TRPM3: variants seen among roughly 807,000 people sequenced by gnomAD.
TRPM3 encodes transient receptor potential cation channel subfamily M member 3, also known as long transient receptor potential channel 3.
TRPM3 carries 77 observed loss-of-function variants against 181.2 expected under a neutral mutation model. The observed-to-expected ratio is 0.42, with a 90% confidence interval of 0.35 to 0.51. The LOEUF is 0.51. Ranked by LOEUF, TRPM3 falls within the 20% of genes least tolerant of loss-of-function variation. The pLI, the probability that TRPM3 is intolerant of heterozygous loss-of-function variation, is 0.01. For synonymous variants in TRPM3, 745 were observed against 796.4 expected (o/e 0.94, Z 1.09); for missense variants, 1,759 against 2,196.7 (o/e 0.80, Z 3.98).
chr9:70,795,328 T>G (rs758951253), intron 6 of TRPM3, among the ~76,000 whole-genome samples: 1 of 152,216 alleles, frequency 6.6e-6, no homozygotes, highest in East Asian at 1.9e-4. Context: ...ACTTAAGAGT[T>G]TTATGCTTAA....
At chr9:70,691,621 C>A (rs10115619) in intron 8 of TRPM3, among the ~76,000 whole-genome samples, 55,054 of 151,934 alleles carry the variant, frequency 0.36, 10,221 homozygotes, top group East Asian at 0.46. Context: ...TTCCTCCCAC[C>A]GTCATTTAAG....
At chr9:71,089,263 T>C (rs1001963663) in intron 1 of TRPM3, among the ~76,000 whole-genome samples, 1 of 150,292 alleles carries the variant, frequency 6.7e-6, no homozygotes, top group Non-Finnish European at 1.5e-5. Context: ...ATATAGTCTC[T>C]ATATCACTAT....
intron 22 of TRPM3, among the ~76,000 whole-genome samples, chr9:70,553,623 C>A (rs1292745223): frequency 6.6e-6 from 1 of 152,184 alleles, no homozygotes; most frequent in East Asian, 1.9e-4. Flanking sequence ...ACTTGGTGCT[C>A]TTCTGAAGCC....
intron 1 of TRPM3, among the ~76,000 whole-genome samples, chr9:71,080,919 T>C (rs1283958274): frequency 6.6e-6 from 1 of 152,118 alleles, no homozygotes; most frequent in African/African-American, 2.4e-5. Flanking sequence ...CTCCTTCCAC[T>C]GGGATGGCTA....
intron 8 of TRPM3, among the ~76,000 whole-genome samples, chr9:70,688,361 C>T (rs1046361044): frequency 6.6e-6 from 1 of 152,074 alleles, no homozygotes; most frequent in Non-Finnish European, 1.5e-5. Flanking sequence ...TGGATAAGTT[C>T]TATAGTGGTG....
intron 8 of TRPM3, among the ~76,000 whole-genome samples, chr9:70,738,772 T>G (rs1442926615): frequency 1.3e-5 from 2 of 151,986 alleles, no homozygotes; most frequent in African/African-American, 4.8e-5. Flanking sequence ...TCAAATAAGC[T>G]CAATTAGAAA....
At chr9:71,065,070 G>A (rs775367343) in intron 1 of TRPM3, among the ~76,000 whole-genome samples, 10 of 152,092 alleles carry the variant, frequency 6.6e-5, no homozygotes, top group Non-Finnish European at 1.3e-4. Flanking sequence ...TGTAGCTATG[G>A]GATTGGGCTT....
chr9:70,792,698 T>C (rs1255102135), intron 6 of TRPM3, among the ~76,000 whole-genome samples: 1 of 150,624 alleles, frequency 6.6e-6, no homozygotes, highest in African/African-American at 2.5e-5. Flanking sequence ...CTGATATAGC[T>C]GGGATTATTG....
intron 1 of TRPM3, among the ~76,000 whole-genome samples, chr9:70,871,451 A>C (rs1236359014): frequency 6.6e-6 from 1 of 151,996 alleles, no homozygotes; most frequent in African/African-American, 2.4e-5. Context: ...ATAAAGATAA[A>C]TAACTATTCA....
At chr9:70,677,012 T>A (rs2064171224) in intron 9 of TRPM3, among the ~76,000 whole-genome samples, 1 of 142,876 alleles carries the variant, frequency 7.0e-6, no homozygotes, top group Non-Finnish European at 1.5e-5. Flanking sequence ...AATACCCTTA[T>A]TCCAGAAGAG....
intron 8 of TRPM3, 101 bp from the exon 9 acceptor site, chr9:70,681,679 A>T: frequency 3.0e-6 from 3 of 990,574 alleles, no homozygotes; most frequent in Non-Finnish European, 4.8e-6. Context: ...CTATATCTAC[A>T]AAGTAGATTC....
At position 71,280,095 on chromosome 9, in the gene TRPM3, A is replaced by AAG. The variant is rs1554861694; in HGVS notation, c.183+166557_183+166558insCT. Among the ~76,000 whole-genome samples the AAG allele has an allele frequency of 8.5e-3, 1,242 of 145,424 alleles. 25 individuals are homozygous for AAG. Among genetic ancestry groups the AAG allele is most frequent in the African/African-American group, 0.029 (1,172 of 39,882 alleles). ...CTCCATCTCAAAAAAAAAAAAAAAA[A>AAG]GGGGATGTATAAGGTTCTCCCCTTT... On this transcript the variant is annotated intron_variant, in intron 1 of 24. Transcript: ENST00000357533.
At chr9:71,130,764 G>A (rs985531684) in intron 1 of TRPM3, among the ~76,000 whole-genome samples, 6 of 152,016 alleles carry the variant, frequency 3.9e-5, no homozygotes, top group Non-Finnish European at 8.8e-5. Context: ...GCTGTCTCTG[G>A]GAAGCCTTCC....
intron 1 of TRPM3, among the ~76,000 whole-genome samples, chr9:71,328,780 CTGA>C (rs2089905867): frequency 6.6e-6 from 1 of 152,188 alleles, no homozygotes; most frequent in African/African-American, 2.4e-5. Flanking sequence ...TTCAACTGCT[CTGA>C]TATTTTTATA....
intron 22 of TRPM3, among the ~76,000 whole-genome samples, chr9:70,557,542 C>T (rs1046512649): frequency 1.6e-4 from 25 of 152,212 alleles, no homozygotes; most frequent in Non-Finnish European, 3.4e-4. Flanking sequence ...TGAAGATGAA[C>T]TGGTGCCTTA....
At position 70,581,864 on chromosome 9, in the gene TRPM3, C is replaced by G. The variant is rs181930028; in HGVS notation, c.3223+9167G>C. On this transcript the variant is annotated intron_variant, in intron 22 of 25. Transcript: ENST00000677713. ...TCTGCTGCCCTCAACAATCAAGGGC[C>G]AGCAGGTGGGCCAGTCTCCCTCCCT... is the stretch of plus-strand genomic sequence containing the variant. Among the ~76,000 whole-genome samples the G allele has an allele frequency of 2.0e-5, 3 of 152,006 alleles. No homozygotes were observed. The East Asian group carries it at 5.8e-4, about 29-fold the overall frequency.
chr9:70,938,136 T>G (rs2096847387), intron 1 of TRPM3, among the ~76,000 whole-genome samples: 1 of 152,186 alleles, frequency 6.6e-6, no homozygotes, highest in Non-Finnish European at 1.5e-5. Flanking sequence ...GGTCCTTTTG[T>G]CTGGGGCAGA....
At chr9:71,198,278 T>C (rs2078529722) in intron 1 of TRPM3, among the ~76,000 whole-genome samples, 1 of 152,054 alleles carries the variant, frequency 6.6e-6, no homozygotes, top group Non-Finnish European at 1.5e-5. Context: ...ACTGTAGCCT[T>C]GTAGTATAGT....
chr9:70,753,177 A>T (rs1396389428), intron 8 of TRPM3, among the ~76,000 whole-genome samples: 1 of 152,146 alleles, frequency 6.6e-6, no homozygotes, highest in Non-Finnish European at 1.5e-5. Flanking sequence ...ATTTCTCAGG[A>T]TATATCCCCA....
Sources: gnomAD v4.1 joint callset for allele counts (sites outside exome capture counted in the v4.1 genomes callset) on GRCh38, gnomAD v4.1.1 for gene constraint, MANE v1.5 for transcripts, NCBI Gene and HGNC (gene_info 2026-07-23, HGNC 2026-07-21) for gene names.